The following ACTR3B variants were observed in gnomAD, a reference collection of about 807,000 sequenced individuals.
ACTR3B encodes actin related protein 3B.
Under a neutral mutation model 59.0 loss-of-function variants are expected in ACTR3B, and 8 were observed. The ratio of observed to expected loss-of-function variants is 0.14; its 90% CI spans 0.08 to 0.24. The LOEUF (loss-of-function observed/expected upper bound fraction) is 0.24. ACTR3B is among the 10% of genes least tolerant of loss of function. The pLI, the probability that ACTR3B is intolerant of heterozygous loss-of-function variation, is 1.00. For synonymous variants in ACTR3B, 148 were observed against 197.9 expected (o/e 0.75, Z 2.12); for missense variants, 245 against 552.3 (o/e 0.44, Z 5.58).
intron 7 of ACTR3B, among the ~76,000 whole-genome samples, chr7:152,821,265 C>T (rs979990320): frequency 3.7e-4 from 57 of 152,112 alleles, no homozygotes; most frequent in Non-Finnish European, 7.4e-4. Flanking sequence ...CTTTGCCTTT[C>T]CTCCATGGAA....
chr7:152,781,331 C>G (rs1590229558), intron 1 of ACTR3B, among the ~76,000 whole-genome samples: 1 of 150,256 alleles, frequency 6.7e-6, no homozygotes, highest in Admixed American at 6.7e-5. Context: ...CTTTCAGCAT[C>G]CCTCTTGCAA....
rs1217406624 is a variant in ACTR3B, at chr7:152,824,834, A to G, written c.859-196A>G. On this transcript the variant is annotated intron_variant, in intron 8 of 11. Coordinates refer to ENST00000256001, the MANE Select transcript of ACTR3B (RefSeq NM_020445.6). This position sits in a 1 kb window ranked among gnomAD's most constrained non-coding sequence, Gnocchi z 4.2. ...TCACTAAATCCATACATTTTACCTCATGAGGAGAAATGTGTCATCACCGCT... is the reference window on the plus strand; with the variant it reads ...TCACTAAATCCATACATTTTACCTCGTGAGGAGAAATGTGTCATCACCGCT... Among the ~76,000 whole-genome samples the G allele has an allele frequency of 2.0e-5, 3 of 152,198 alleles. No homozygotes were observed. Among genetic ancestry groups the G allele is most frequent in the South Asian group, 2.1e-4 (1 of 4,836 alleles).
At chr7:152,843,408 A>G (rs1223051902) in intron 9 of ACTR3B, among the ~76,000 whole-genome samples, 1 of 152,250 alleles carries the variant, frequency 6.6e-6, no homozygotes, top group Non-Finnish European at 1.5e-5. Context: ...CTCCATGGAT[A>G]TCAATTATTC....
chr7:152,801,560 T>A (rs2098236860), intron 3 of ACTR3B, 61 bp from the exon 4 acceptor site: 8 of 1,554,344 alleles, frequency 5.1e-6, no homozygotes, highest in Non-Finnish European at 6.1e-6. Flanking sequence ...GTGCCACTGT[T>A]AAACTGTTGC....
chr7:152,766,219 C>G (rs1243589888), intron 1 of ACTR3B, among the ~76,000 whole-genome samples: 1 of 152,166 alleles, frequency 6.6e-6, no homozygotes, highest in East Asian at 1.9e-4. Context: ...GGGCAAGCTT[C>G]CCGAGTCCTC....
chr7:152,813,426 G>A (rs1344769836), intron 4 of ACTR3B: 1 of 152,150 alleles, frequency 6.6e-6, no homozygotes, highest in African/African-American at 2.4e-5. Context: ...ATTTTGTCCT[G>A]TTTGATGACG....
In ACTR3B at chr7:152,823,250, G is replaced by T. The variant is rs1054812393; in HGVS notation, c.685-92G>T. ...GTGGGGGCGGTTCTGATCCCAGGGTGTGTTTGCTCATGGGCTTCCTGGTTA... is the reference window on the plus strand; with the variant it reads ...GTGGGGGCGGTTCTGATCCCAGGGTTTGTTTGCTCATGGGCTTCCTGGTTA... On this transcript the variant is annotated intron_variant, in intron 7 of 11. Transcript: ENST00000256001. 65 of 1,553,414 alleles carry T rather than the reference G, an allele frequency of 4.2e-5. No individual in the cohort carries two copies. In the African/African-American group the frequency reaches 8.6e-4, roughly 21 times the overall value.
intron 2 of ACTR3B, among the ~76,000 whole-genome samples, chr7:152,791,777 T>C (rs1173970023): frequency 6.6e-6 from 1 of 152,256 alleles, no homozygotes. Context: ...TACTCTGTTT[T>C]CATCTCTATA....
Position 152,792,274 on chromosome 7 carries a change from C to T in ACTR3B, c.101-8257C>T, listed in dbSNP as rs866973638. Reference sequence around the variant, plus strand: ...ACATCAGTTACAATTTTTGCTTCAACTGCCAGACATAATTTAGAAAACGCA... The same window carrying T: ...ACATCAGTTACAATTTTTGCTTCAATTGCCAGACATAATTTAGAAAACGCA... On this transcript the variant is annotated intron_variant, in intron 2 of 11. Coordinates refer to ENST00000256001, the MANE Select transcript of ACTR3B (RefSeq NM_020445.6). Among the ~76,000 whole-genome samples the T allele has an allele frequency of 2.6e-5, 4 of 152,260 alleles. No homozygotes were observed. In the Middle Eastern group the frequency reaches 0.01, roughly 388 times the overall value.
At chr7:152,771,463 G>C (rs1290274490) in intron 1 of ACTR3B, among the ~76,000 whole-genome samples, 1 of 152,196 alleles carries the variant, frequency 6.6e-6, no homozygotes, top group African/African-American at 2.4e-5. Context: ...GGTAGTACCA[G>C]TGGTTCTGAA....
intron 1 of ACTR3B, among the ~76,000 whole-genome samples, chr7:152,760,377 T>C (rs954432052): frequency 1.3e-5 from 2 of 152,254 alleles, no homozygotes; most frequent in Non-Finnish European, 2.9e-5. Context: ...ACGGTGTCCC[T>C]GCCTTCCAGC....
chr7:152,759,984 C>T, intron 1 of ACTR3B, 58 bp downstream of exon 1: 2 of 1,283,248 alleles, frequency 1.6e-6, no homozygotes, highest in South Asian at 2.2e-5. Flanking sequence ...CGGCCCCTGG[C>T]GTCCACCTCG....
At chr7:152,788,673 C>T (rs1405714294) in intron 2 of ACTR3B, among the ~76,000 whole-genome samples, 2 of 151,988 alleles carry the variant, frequency 1.3e-5, no homozygotes, top group African/African-American at 2.4e-5. Flanking sequence ...AGCTTCCCAG[C>T]GTGCTGGGAT....
At chr7:152,774,504 T>C (rs1443325439) in intron 1 of ACTR3B, among the ~76,000 whole-genome samples, 3 of 152,174 alleles carry the variant, frequency 2.0e-5, no homozygotes, top group Non-Finnish European at 4.4e-5. Flanking sequence ...TTAGTGGGGC[T>C]TTGGGAAAGA....
At position 152,780,118 on chromosome 7, in the gene ACTR3B, T is replaced by C. The variant is rs377058259; in HGVS notation, c.45-3069T>C. Among the ~76,000 whole-genome samples, 1,423 of 151,978 alleles carry C rather than the reference T, an allele frequency of 9.4e-3. 29 individuals are homozygous for C. The highest frequency in any genetic ancestry group is 0.032 in the African/African-American group (1,314 of 41,396). On this transcript the variant is annotated intron_variant, in intron 1 of 11. Transcript: ENST00000256001. ...CCTGTAACCCAGCACTTTGGGAGGC[T>C]GAGGCAGGCAGATCACAAGGTCAGG...
Position 152,849,334 on chromosome 7 carries a change from TG to T in ACTR3B, c.952-2787del, listed in dbSNP as rs1798614231. Among the ~76,000 whole-genome samples, 4 of 152,122 alleles carry T rather than the reference TG, an allele frequency of 2.6e-5. No individual in the cohort carries two copies. The South Asian group carries it at 8.3e-4, about 32-fold the overall frequency. On this transcript the variant is annotated intron_variant, in intron 9 of 11. Coordinates refer to ENST00000256001, the MANE Select transcript of ACTR3B (RefSeq NM_020445.6). ...GCCGACACCAAGGAACGGGGTGGGG[TG>T]GGGGTTCCGGAGGATCGCTTCACTG...
chr7:152,759,966 C>T (rs764452535), intron 1 of ACTR3B, 40 bp downstream of exon 1: 76 of 1,326,032 alleles, frequency 5.7e-5, no homozygotes, highest in Non-Finnish European at 1.8e-5. Context: ...CCTCCGCGGC[C>T]CCGCTCCCGG....
chr7:152,833,502 G>A (rs1797192944), intron 9 of ACTR3B, among the ~76,000 whole-genome samples: 1 of 152,214 alleles, frequency 6.6e-6, no homozygotes, highest in South Asian at 2.1e-4. Context: ...TCTTTGGCAT[G>A]TAAATAGCAG....
Position 152,768,665 on chromosome 7 carries a change from G to A in ACTR3B, c.44+8739G>A, listed in dbSNP as rs185254763. Among the ~76,000 whole-genome samples the A allele has an allele frequency of 2.2e-4, 33 of 152,026 alleles. No homozygotes were observed. In the East Asian group the frequency reaches 6.0e-3, roughly 28 times the overall value. On this transcript the variant is annotated intron_variant, in intron 1 of 11. Coordinates refer to ENST00000256001, the MANE Select transcript of ACTR3B (RefSeq NM_020445.6). ...CTAATTTTTTATATTTAGTAGAGAC[G>A]GGGTTCCACCATGTTGGCCAGGCTG...
Sources: allele counts gnomAD v4.1 joint callset (sites outside exome capture counted in the v4.1 genomes callset), GRCh38; gene constraint gnomAD v4.1.1; non-coding constraint Gnocchi (gnomAD v3.1); transcripts MANE v1.5; gene names NCBI Gene and HGNC (gene_info 2026-07-23, HGNC 2026-07-21).